The following GRAMD1A variants were observed in gnomAD, a reference collection of about 807,000 sequenced individuals.
GRAMD1A encodes protein Aster-A.
In GRAMD1A, 50 loss-of-function variants were observed where a neutral mutation model predicts 92.0. The ratio of observed to expected loss-of-function variants is 0.54; its 90% confidence interval spans 0.43 to 0.69. The LOEUF is 0.69. GRAMD1A is among the 30% of genes least tolerant of loss of function. The pLI is 0.00. For missense variants in GRAMD1A, 819 were observed against 978.9 expected (o/e 0.84, Z 2.18); for synonymous variants, 405 against 403.6 (o/e 1.00, Z -0.04).
chr19:35,017,935 G>T (rs1378368781), intron 11 of GRAMD1A, among the ~76,000 whole-genome samples: 6 of 152,150 alleles, frequency 3.9e-5, no homozygotes, highest in Non-Finnish European at 7.3e-5. Context: ...TCCAAGCCCT[G>T]CATAGGCCTG....
At chr19:35,019,357 G>A (rs983980583) in intron 12 of GRAMD1A, 34 bp from the exon 13 acceptor site, 1 of 1,613,258 alleles carries the variant, frequency 6.2e-7, no homozygotes, top group African/African-American at 1.3e-5. Context: ...GGGTGAGTGG[G>A]GTGGCCCTGA....
intron 10 of GRAMD1A, 131 bp from the exon 11 acceptor site, chr19:35,015,693 A>T: frequency 1.3e-6 from 1 of 784,318 alleles, no homozygotes; most frequent in Non-Finnish European, 2.0e-6. Context: ...GCTCTGTGTC[A>T]GTGTCCAGCT....
Position 35,013,032 on chromosome 19 carries a change from T to C in GRAMD1A, c.607-224T>C, listed in dbSNP as rs1377188508. The C allele has an allele frequency of 1.8e-6, 1 of 550,570 alleles. No homozygotes were observed. 34.1% of individuals were successfully genotyped at this position (550,570 alleles called of 1,614,324 possible). ...TGGGAACATTCTCTGGCCAGAGTAT[T>C]GTGGGGACTTGGGAAGCAGGAAGTT... On this transcript the variant is annotated intron_variant, in intron 7 of 19. Coordinates refer to ENST00000317991, the MANE Select transcript of GRAMD1A (RefSeq NM_020895.5). This position sits in a 1 kb window ranked among gnomAD's most constrained non-coding sequence, Gnocchi z 4.9.
At chr19:35,014,553 A>G in intron 10 of GRAMD1A, 166 bp downstream of exon 10, 1 of 650,472 alleles carries the variant, frequency 1.5e-6, no homozygotes, top group South Asian at 1.8e-5. Flanking sequence ...TTTTGAAGGC[A>G]GCATGGCAGG....
chr19:34,994,804 C>G (rs2013963566), exon 1 of GRAMD1A: 2 of 152,318 alleles, frequency 1.3e-5, no homozygotes, highest in African/African-American at 4.8e-5. Flanking sequence ...GCTGTGTGGA[C>G]AGAGGAGGAG....
Position 35,019,420 on chromosome 19 carries a change from C to A in GRAMD1A, c.1362C>A (p.Gly454=). The A allele has an allele frequency of 6.2e-7, 1 of 1,613,838 alleles. No homozygotes were observed. The highest frequency in any genetic ancestry group is 8.5e-7 in the Non-Finnish European group (1 of 1,179,880). The change falls in exon 13 of 20, where the codon GGC becomes GGA. Residue 454 remains glycine (G), a synonymous_variant. Transcript: ENST00000317991. ...QTLFRRGPQA[G]GCVVDSEVLT... ...TGTTCCGGCGCGGCCCCCAGGCCGG[C>A]GGGTGTGTGGTGGACTCCGAGGTGC...
Position 35,014,342 on chromosome 19 carries a change from C to A in GRAMD1A, c.1024C>A (p.Leu342Ile). 6.2e-7 allele frequency: 1 copy of A among 1,614,174 alleles called. No homozygotes were observed. Among genetic ancestry groups the A allele is most frequent in the Non-Finnish European group, 8.5e-7 (1 of 1,180,016 alleles). ...CTTGGATCTGCTGCCCAGTGAGGAG[C>A]TATTGACAGACACAAGTAACTCCTC... Reference protein sequence around the residue: ...GPLDLLPSEELLTDTSNSSSS... With the variant: ...GPLDLLPSEEILTDTSNSSSS... The change falls in exon 10 of 20, where the codon CTA becomes ATA. Residue 342 changes from leucine (L) to isoleucine (I), a missense_variant. Around this residue, in one of 3 missense-constraint regions of GRAMD1A, gnomAD observed 577 missense variants for 674.6 expected, o/e 0.86. Coordinates refer to ENST00000317991, the MANE Select transcript of GRAMD1A (RefSeq NM_020895.5).
In GRAMD1A at chr19:35,000,363, C is replaced by T; in HGVS notation, c.-116C>T. 9.0e-7 allele frequency: 1 copy of T among 1,107,024 alleles called. No homozygotes were observed. 68.6% of individuals were successfully genotyped at this position (1,107,024 alleles called of 1,614,324 possible). A position where few individuals can be genotyped will look rare whatever the true frequency, so the allele number is the denominator to read the frequency against. ...TTGGGTCGGGTGGGGGCGGCGGCCGCGGAAGGCCAGGCCGGTGCCCTGCGG... is the reference window on the plus strand; with the variant it reads ...TTGGGTCGGGTGGGGGCGGCGGCCGTGGAAGGCCAGGCCGGTGCCCTGCGG... On this transcript the variant is annotated 5_prime_UTR_variant, in exon 1 of 20. Coordinates refer to ENST00000317991, the MANE Select transcript of GRAMD1A (RefSeq NM_020895.5). This position sits in a 1 kb window ranked among gnomAD's most constrained non-coding sequence, Gnocchi z 4.9.
upstream of GRAMD1A, among the ~76,000 whole-genome samples, chr19:34,995,582 T>G (rs1275350843): frequency 7.0e-6 from 1 of 143,164 alleles, no homozygotes; most frequent in Non-Finnish European, 1.5e-5. Context: ...TTTTTTTTTT[T>G]TTTTTTTTTT....
At position 35,000,463 on chromosome 19, in the gene GRAMD1A, C is replaced by T; in HGVS notation, c.-16C>T. 1 of 1,260,022 alleles carries T rather than the reference C, an allele frequency of 7.9e-7. No individual in the cohort carries two copies. Among genetic ancestry groups the T allele is most frequent in the Non-Finnish European group, 1.0e-6 (1 of 997,152 alleles). 78.1% of individuals were successfully genotyped at this position (1,260,022 alleles called of 1,614,324 possible). ...GCCCTGCCCTGCGCCCGGGGCGCGC[C>T]CACCGCGCCGCATCCATGTTCGAGT... On this transcript the variant is annotated 5_prime_UTR_variant, in exon 1 of 20. Transcript: ENST00000317991. This position sits in a 1 kb window ranked among gnomAD's most constrained non-coding sequence, Gnocchi z 4.9.
chr19:34,996,275 A>C, upstream of GRAMD1A: 1 of 1,531,936 alleles, frequency 6.5e-7, no homozygotes. Context: ...AGACCCGCAG[A>C]GTCTGTCCCA....
chr19:35,021,361 G>T lies in GRAMD1A; in HGVS notation c.1476-141G>T, dbSNP rs1486874282. The T allele has an allele frequency of 9.1e-6, 6 of 661,074 alleles. No homozygotes were observed. Among genetic ancestry groups the T allele is most frequent in the Admixed American group, 4.5e-5 (2 of 44,170 alleles). The allele number at this position is 661,074 out of a possible 1,614,324, so 41.0% of individuals were successfully genotyped here. A position where few individuals can be genotyped will look rare whatever the true frequency, so the allele number is the denominator to read the frequency against. ...TGGGGTATCCAGGGAAGCCATGGGG[G>T]GTAGGGAACCCATCTGTTTTGTCTG... On this transcript the variant is annotated intron_variant, in intron 13 of 19. Transcript: ENST00000317991. This position sits in a 1 kb window ranked among gnomAD's most constrained non-coding sequence, Gnocchi z 5.3.
At chr19:35,018,120 C>T (rs911269258) in intron 11 of GRAMD1A, among the ~76,000 whole-genome samples, 4 of 151,618 alleles carry the variant, frequency 2.6e-5, no homozygotes, top group Admixed American at 2.0e-4. Context: ...CCTGAGTAGC[C>T]GGGATTATAG....
Position 35,010,205 on chromosome 19 carries a change from C to A in GRAMD1A, c.429+10C>A. 1 of 1,604,406 alleles carries A rather than the reference C, an allele frequency of 6.2e-7. No homozygotes were observed. Among genetic ancestry groups the A allele is most frequent in the South Asian group, 1.1e-5 (1 of 90,904 alleles). On this transcript the variant is annotated intron_variant, in intron 5 of 19. Transcript: ENST00000317991. ...CCGCTGGGAGACCACGGTGAGCCCG[C>A]AGCGGGGCAGGGTACAGGGGCGGGG...
At chr19:35,022,122 T>A (rs1437970258) in intron 16 of GRAMD1A, 84 bp downstream of exon 16, 1 of 925,388 alleles carries the variant, frequency 1.1e-6, no homozygotes, top group Non-Finnish European at 1.7e-6. Flanking sequence ...GTGGCCTCTT[T>A]GAGCTCTCTG....
chr19:35,000,461 G>A lies in GRAMD1A; in HGVS notation c.-18G>A. ...CTGCCCTGCCCTGCGCCCGGGGCGC[G>A]CCCACCGCGCCGCATCCATGTTCGA... On this transcript the variant is annotated 5_prime_UTR_variant, in exon 1 of 20. Transcript: ENST00000317991. The surrounding 1 kb of genome is among the most constrained non-coding windows in gnomAD (Gnocchi z 4.9). The A allele has an allele frequency of 1.6e-6, 2 of 1,240,934 alleles. No homozygotes were observed. The highest frequency in any genetic ancestry group is 4.0e-5 in the Admixed American group (1 of 25,078). 76.9% of individuals were successfully genotyped at this position (1,240,934 alleles called of 1,614,324 possible).
At chr19:35,003,053 A>G in intron 1 of GRAMD1A, among the ~76,000 whole-genome samples, 1 of 133,516 alleles carries the variant, frequency 7.5e-6, no homozygotes, top group East Asian at 2.1e-4. Flanking sequence ...CAGACTAGCA[A>G]TGCTGCAGGT....
rs2015598063 is a variant in GRAMD1A, at chr19:35,015,975, G to A, written c.1213+8G>A. 1.2e-6 allele frequency: 2 copies of A among 1,611,272 alleles called. No homozygotes were observed. Among genetic ancestry groups the A allele is most frequent in the African/African-American group, 1.3e-5 (1 of 74,816 alleles). On this transcript the variant is annotated splice_region_variant and intron_variant, in intron 11 of 19. Coordinates refer to ENST00000317991, the MANE Select transcript of GRAMD1A (RefSeq NM_020895.5). Reference sequence around the variant, plus strand: ...AGCAGTGCAAGTTCACAGGTCAGCGGGCGCATGAAGGAGAGGCTGAGGTTA... The same window carrying A: ...AGCAGTGCAAGTTCACAGGTCAGCGAGCGCATGAAGGAGAGGCTGAGGTTA...
Position 35,015,811 on chromosome 19 carries a change from CCT to C in GRAMD1A, c.1070-10_1070-9del, listed in dbSNP as rs1452976982. 6.2e-7 allele frequency: 1 copy of C among 1,612,446 alleles called. No individual in the cohort carries two copies. Among genetic ancestry groups the C allele is most frequent in the Non-Finnish European group, 8.5e-7 (1 of 1,179,172 alleles). On this transcript the variant is annotated splice_polypyrimidine_tract_variant and intron_variant, in intron 10 of 19. Transcript: ENST00000317991. ...GGAGGCAGTCATCATCCTCGGCTCTCCTCTGTCTCCAGCGGACTTGGCTGCCC... is the reference window on the plus strand; with the variant it reads ...GGAGGCAGTCATCATCCTCGGCTCTCCTGTCTCCAGCGGACTTGGCTGCCC...
Sources: allele counts gnomAD v4.1 joint callset (sites outside exome capture counted in the v4.1 genomes callset), GRCh38; gene constraint gnomAD v4.1.1; regional missense constraint gnomAD v4.1.1; non-coding constraint Gnocchi (gnomAD v3.1); transcripts MANE v1.5; gene names NCBI Gene and HGNC (gene_info 2026-07-23, HGNC 2026-07-21).